The following TTC39B variants were observed in gnomAD, a reference collection of about 807,000 sequenced individuals.
The protein encoded by TTC39B is tetratricopeptide repeat domain 39B.
In TTC39B, 92 loss-of-function variants were observed where a neutral mutation model predicts 96.6. The ratio of observed to expected loss-of-function variants is 0.95; its 90% CI spans 0.80 to 1.13. TTC39B has a LOEUF of 1.13. Among genes scored for constraint, TTC39B ranks in the 50% most tolerant of loss-of-function variants. The probability of loss-of-function intolerance (pLI) is 0.00; values close to 1 mark genes in which losing one functional copy is unlikely to be tolerated. For synonymous variants in TTC39B, 367 were observed against 299.4 expected (o/e 1.23, Z -2.33); for missense variants, 955 against 809.3 (o/e 1.18, Z -2.18).
intron 1 of TTC39B, among the ~76,000 whole-genome samples, chr9:15,305,131 C>T (rs1401670087): frequency 6.6e-6 from 1 of 152,202 alleles, no homozygotes; most frequent in East Asian, 1.9e-4. Context: ...GGTTAGAGTT[C>T]TTCAAGCCCA....
At position 15,210,152 on chromosome 9, in the gene TTC39B, T is replaced by A. The variant is rs762726772; in HGVS notation, c.627A>T (p.Lys209Asn). The A allele has an allele frequency of 2.5e-6, 4 of 1,599,330 alleles. No homozygotes were observed. The South Asian group carries it at 3.4e-5, about 14-fold the overall frequency. Reference sequence around the variant, plus strand: ...TTGAGAAAGATTCTACAACTGTGTATTTTTTCCTGTATCTACATTGAATAA... The same window carrying A: ...TTGAGAAAGATTCTACAACTGTGTAATTTTTCCTGTATCTACATTGAATAA... The change falls in exon 6 of 20, where the codon AAA becomes AAT. Residue 209 changes from lysine to asparagine, a missense_variant. Coordinates refer to ENST00000512701, the Ensembl canonical transcript of TTC39B.
chr9:15,305,875 C>G (rs1050996284), intron 1 of TTC39B, among the ~76,000 whole-genome samples: 1 of 151,894 alleles, frequency 6.6e-6, no homozygotes, highest in Non-Finnish European at 1.5e-5. Context: ...ACAAACAGAT[C>G]GGGATTCAAA....
At chr9:15,250,924 G>A (rs1024452845) in intron 2 of TTC39B, among the ~76,000 whole-genome samples, 6 of 152,148 alleles carry the variant, frequency 3.9e-5, no homozygotes, top group African/African-American at 7.2e-5. Flanking sequence ...AGGGCTAGGC[G>A]CAGTGGCTCA....
chr9:15,194,629 C>T (rs1346078923), intron 8 of TTC39B, among the ~76,000 whole-genome samples: 1 of 152,192 alleles, frequency 6.6e-6, no homozygotes, highest in African/African-American at 2.4e-5. Context: ...TCTATCGATG[C>T]CATTTTTCCA....
chr9:15,182,485 A>C (rs1446747767), intron 16 of TTC39B, 70 bp from the exon 17 acceptor site: 2 of 1,060,156 alleles, frequency 1.9e-6, no homozygotes, highest in Non-Finnish European at 2.8e-6. Flanking sequence ...ATCCCCAAAC[A>C]ATGTTCATGT....
chr9:15,202,573 A>G (rs1819603245), intron 7 of TTC39B, among the ~76,000 whole-genome samples: 1 of 151,938 alleles, frequency 6.6e-6, no homozygotes, highest in African/African-American at 2.4e-5. Flanking sequence ...TTAGCCAGGC[A>G]TGGTGGCACA....
At chr9:15,187,067 A>T in intron 14 of TTC39B, 32 bp from the exon 15 acceptor site, 1 of 1,508,958 alleles carries the variant, frequency 6.6e-7, no homozygotes, top group Non-Finnish European at 9.1e-7. Context: ...ATTACAGAAC[A>T]TCCCTAGGTA....
At position 15,306,287 on chromosome 9, in the gene TTC39B, G is replaced by C. The variant is rs868424095; in HGVS notation, c.240+797C>G. 2.5e-4 allele frequency among the ~76,000 whole-genome samples: 38 copies of C among 152,244 alleles called. 1 individual carries two copies. Among genetic ancestry groups the C allele is most frequent in the Admixed American group, 2.5e-3 (38 of 15,290 alleles). ...GAGTTGCCAGGTGCTGAAATGAATAGTCAATAAATCAACAGGTCCGGCGCG... is the reference window on the plus strand; with the variant it reads ...GAGTTGCCAGGTGCTGAAATGAATACTCAATAAATCAACAGGTCCGGCGCG... On this transcript the variant is annotated intron_variant, in intron 1 of 19. Transcript: ENST00000512701. This position sits in a 1 kb window ranked among gnomAD's most constrained non-coding sequence, Gnocchi z 5.1.
At chr9:15,172,687 C>T (rs1385126408) in intron 19 of TTC39B, among the ~76,000 whole-genome samples, 1 of 152,064 alleles carries the variant, frequency 6.6e-6, no homozygotes, top group East Asian at 1.9e-4. Context: ...TTAAAACCTG[C>T]CTAAGAGCAT....
At chr9:15,294,214 GA>G (rs35270563) in intron 1 of TTC39B, among the ~76,000 whole-genome samples, 133,828 of 151,460 alleles carry the variant, frequency 0.88, 59,138 homozygotes, top group East Asian at 0.97. Flanking sequence ...CTAGCAGCTG[GA>G]AAAAAAAAAA....
intron 6 of TTC39B, among the ~76,000 whole-genome samples, chr9:15,206,225 C>T (rs1168346018): frequency 6.6e-6 from 1 of 152,154 alleles, no homozygotes; most frequent in Non-Finnish European, 1.5e-5. Context: ...CAATTTGAAA[C>T]CCATTTGGGG....
chr9:15,270,934 C>A (rs1466321355), intron 1 of TTC39B, among the ~76,000 whole-genome samples: 1 of 152,190 alleles, frequency 6.6e-6, no homozygotes, highest in Admixed American at 6.5e-5. Context: ...GAGTACCTAT[C>A]ATGTGCCAGG....
chr9:15,254,872 CTTTT>C (rs34040951), intron 2 of TTC39B, among the ~76,000 whole-genome samples: 8 of 142,090 alleles, frequency 5.6e-5, no homozygotes, highest in African/African-American at 1.3e-4. Flanking sequence ...AACACACACA[CTTTT>C]TTTTTTTTTT....
At chr9:15,203,396 G>A (rs572480608) in intron 7 of TTC39B, among the ~76,000 whole-genome samples, 3 of 150,274 alleles carry the variant, frequency 2.0e-5, no homozygotes, top group East Asian at 2.0e-4. Context: ...GATTACAGGC[G>A]CCCGCCACCA....
rs550232092 is a variant in TTC39B at position 15,304,541 on chromosome 9, G to C, written c.240+2543C>G. Among the ~76,000 whole-genome samples the C allele has an allele frequency of 3.3e-5, 5 of 152,220 alleles. No homozygotes were observed. In the South Asian group the frequency reaches 1.0e-3, roughly 32 times the overall value. On this transcript the variant is annotated intron_variant, in intron 1 of 19. Coordinates refer to ENST00000512701, the Ensembl canonical transcript of TTC39B. ...TAGCCAAGAAAACCTCCATCCCACA[G>C]CTACCATGGGAGCTTCTCTACCATT...
chr9:15,307,121 GC>G lies in TTC39B; in HGVS notation c.202del (p.Ala68ArgfsTer3). ...CAGCTCCGCTCGGCTGCCTAAGAGC[GC>G]CATATTCCTCCTCTGGCTGCTGCCA... On this transcript the variant is annotated frameshift_variant, in exon 1 of 20. Transcript: ENST00000512701. LOFTEE classifies it high-confidence loss of function. The G allele has an allele frequency of 6.2e-7, 1 of 1,610,026 alleles. No individual in the cohort carries two copies. Among genetic ancestry groups the G allele is most frequent in the Non-Finnish European group, 8.5e-7 (1 of 1,178,164 alleles).
chr9:15,261,604 C>T (rs943147707), intron 2 of TTC39B, among the ~76,000 whole-genome samples: 11 of 152,124 alleles, frequency 7.2e-5, no homozygotes, highest in Admixed American at 2.0e-4. Context: ...GTGTTTCAAA[C>T]CCACTGCTCT....
At chr9:15,300,029 T>A (rs1452610039) in intron 1 of TTC39B, among the ~76,000 whole-genome samples, 1 of 152,216 alleles carries the variant, frequency 6.6e-6, no homozygotes, top group Non-Finnish European at 1.5e-5. Context: ...GTCTGTTTGT[T>A]AACCTGAGCT....
intron 8 of TTC39B, among the ~76,000 whole-genome samples, chr9:15,193,468 C>T (rs1475463681): frequency 6.6e-6 from 1 of 152,122 alleles, no homozygotes; most frequent in Non-Finnish European, 1.5e-5. Context: ...ATAAAATGTG[C>T]AACTACACTT....
Sources: gnomAD v4.1 joint callset for allele counts (sites outside exome capture counted in the v4.1 genomes callset) on GRCh38, gnomAD v4.1.1 for gene constraint, Gnocchi (gnomAD v3.1) non-coding constraint, MANE v1.5 for transcripts, NCBI Gene and HGNC (gene_info 2026-07-23, HGNC 2026-07-21) for gene names.